Variants in GMDS observed in about 807,000 individuals in gnomAD.
The protein encoded by GMDS is GDP-mannose 4,6-dehydratase.
Under a neutral mutation model 49.9 loss-of-function variants are expected in GMDS, and 20 were observed. The observed-to-expected ratio is 0.40, with a 90% CI of 0.28 to 0.58. The LOEUF (loss-of-function observed/expected upper bound fraction) is 0.58. Among genes scored for constraint, GMDS ranks in the 20% least tolerant of loss-of-function variants. The pLI is 0.42. For synonymous variants in GMDS, 177 were observed against 178.6 expected, an observed-to-expected ratio of 0.99 and a Z score of 0.07; for missense variants, 362 against 481.4, an observed-to-expected ratio of 0.75 and a Z score of 2.32.
chr6:1,853,517 CAAAAAA>C (rs34773610), intron 7 of GMDS, among the ~76,000 whole-genome samples: 1 of 70,390 alleles, frequency 1.4e-5, no homozygotes, highest in African/African-American at 6.3e-5. Context: ...GACTCCGTCT[CAAAAAA>C]AAAAAAAAAA....
intron 2 of GMDS, among the ~76,000 whole-genome samples, chr6:2,123,992 A>C (rs144676150): frequency 6.6e-6 from 1 of 152,106 alleles, no homozygotes; most frequent in East Asian, 1.9e-4. Context: ...CTAAAGTATT[A>C]ATGTAAACAT....
chr6:2,234,391 T>G lies in GMDS; in HGVS notation c.102+10930A>C, dbSNP rs551749947. ...GGGAGGCCGAGGCAGGCAGATCACCTGAGGCCGGGAGTTCGAGACCAGCCT... is the reference window on the plus strand; with the variant it reads ...GGGAGGCCGAGGCAGGCAGATCACCGGAGGCCGGGAGTTCGAGACCAGCCT... On this transcript the variant is annotated intron_variant, in intron 1 of 10. Transcript: ENST00000380815. Among the ~76,000 whole-genome samples, 315 of 152,298 alleles carry G rather than the reference T, an allele frequency of 2.1e-3. 1 individual carries two copies. Among genetic ancestry groups the G allele is most frequent in the Non-Finnish European group, 3.3e-3 (225 of 68,020 alleles).
intron 7 of GMDS, among the ~76,000 whole-genome samples, chr6:1,857,281 T>C (rs1240556636): frequency 6.6e-6 from 1 of 152,172 alleles, no homozygotes; most frequent in East Asian, 1.9e-4. Context: ...CACCTGACAG[T>C]CCGTATGCTG....
intron 7 of GMDS, among the ~76,000 whole-genome samples, chr6:1,894,041 G>C (rs562314673): frequency 2.0e-5 from 3 of 152,312 alleles, no homozygotes; most frequent in Admixed American, 6.5e-5. Flanking sequence ...TGAGAGACAA[G>C]AGGTCACCGG....
At chr6:1,923,194 C>T (rs1339118774) in intron 7 of GMDS, among the ~76,000 whole-genome samples, 3 of 152,172 alleles carry the variant, frequency 2.0e-5, no homozygotes, top group Non-Finnish European at 2.9e-5. Context: ...AGCATGAGAA[C>T]GGACTAATAC....
chr6:2,174,450 A>T (rs1778170278), intron 1 of GMDS, among the ~76,000 whole-genome samples: 1 of 152,214 alleles, frequency 6.6e-6, no homozygotes, highest in Non-Finnish European at 1.5e-5. Flanking sequence ...GATAAAGACC[A>T]TGCTAAATTT....
intron 9 of GMDS, among the ~76,000 whole-genome samples, chr6:1,711,443 G>C (rs985278844): frequency 6.6e-6 from 1 of 152,234 alleles, no homozygotes; most frequent in Admixed American, 6.5e-5. Flanking sequence ...GCTTAAAGTA[G>C]TAGTATTGCC....
intron 1 of GMDS, among the ~76,000 whole-genome samples, chr6:2,214,222 A>C (rs1038131660): frequency 1.3e-5 from 2 of 152,234 alleles, no homozygotes; most frequent in Non-Finnish European, 2.9e-5. Flanking sequence ...ACCATTGGAA[A>C]TTGGTATGAA....
At chr6:2,105,175 C>T (rs545363016) in intron 4 of GMDS, among the ~76,000 whole-genome samples, 102 of 125,288 alleles carry the variant, frequency 8.1e-4, no homozygotes, top group African/African-American at 3.3e-3. Context: ...GAGCGAGACT[C>T]CGTCTCAAAA....
chr6:1,731,905 C>G (rs1446672324), intron 8 of GMDS, among the ~76,000 whole-genome samples: 2 of 152,078 alleles, frequency 1.3e-5, no homozygotes, highest in Non-Finnish European at 2.9e-5. Flanking sequence ...GTTTGAGAGC[C>G]TAGAGAGGTG....
chr6:1,719,485 G>C (rs1214347115), intron 9 of GMDS, among the ~76,000 whole-genome samples: 2 of 152,178 alleles, frequency 1.3e-5, no homozygotes, highest in Non-Finnish European at 2.9e-5. Flanking sequence ...TTTATCGAGA[G>C]CATGAGGCAG....
At chr6:1,761,941 G>T (rs1006041025) in intron 7 of GMDS, among the ~76,000 whole-genome samples, 1 of 152,066 alleles carries the variant, frequency 6.6e-6, no homozygotes, top group Non-Finnish European at 1.5e-5. Flanking sequence ...CCCTAAAAAT[G>T]AAACAGAGAC....
intron 6 of GMDS, among the ~76,000 whole-genome samples, chr6:1,951,183 C>T (rs1386386495): frequency 6.6e-6 from 1 of 151,854 alleles, no homozygotes; most frequent in Non-Finnish European, 1.5e-5. Context: ...CCAAATTTTA[C>T]TTAAATTTTG....
intron 1 of GMDS, among the ~76,000 whole-genome samples, chr6:2,244,352 G>A (rs749063241): frequency 2.0e-5 from 3 of 152,146 alleles, no homozygotes; most frequent in Non-Finnish European, 2.9e-5. Flanking sequence ...TGTTAGGCAA[G>A]CGACTGGAAC....
At chr6:2,139,764 A>G (rs1776191973) in intron 1 of GMDS, among the ~76,000 whole-genome samples, 1 of 152,184 alleles carries the variant, frequency 6.6e-6, no homozygotes, top group South Asian at 2.1e-4. Flanking sequence ...AAGTTCAACA[A>G]CAGCACAGGG....
At chr6:2,168,500 C>CA (rs1338430543) in intron 1 of GMDS, among the ~76,000 whole-genome samples, 3 of 152,146 alleles carry the variant, frequency 2.0e-5, no homozygotes, top group Non-Finnish European at 4.4e-5. Context: ...TACATCACCA[C>CA]AAATCAATAT....
intron 7 of GMDS, among the ~76,000 whole-genome samples, chr6:1,798,444 T>C (rs746524356): frequency 9.9e-5 from 15 of 152,190 alleles, no homozygotes; most frequent in Admixed American, 2.6e-4. Flanking sequence ...AGTTCTCAGA[T>C]AAGAGCAGAA....
intron 9 of GMDS, among the ~76,000 whole-genome samples, chr6:1,669,253 A>G (rs1483557157): frequency 6.6e-6 from 1 of 152,114 alleles, no homozygotes; most frequent in East Asian, 1.9e-4. Flanking sequence ...GCTTTTTGGG[A>G]ATTTCAGCCT....
intron 9 of GMDS, among the ~76,000 whole-genome samples, chr6:1,674,180 A>G (rs1240308481): frequency 6.6e-6 from 1 of 152,046 alleles, no homozygotes; most frequent in African/African-American, 2.4e-5. Flanking sequence ...CCTCCTAGTC[A>G]GCATTTGATG....
Sources: gnomAD v4.1 joint callset for allele counts (sites outside exome capture counted in the v4.1 genomes callset) on GRCh38, gnomAD v4.1.1 for gene constraint, MANE v1.5 for transcripts, NCBI Gene and HGNC (gene_info 2026-07-23, HGNC 2026-07-21) for gene names.